The following LRRC4C variants were observed in gnomAD, a reference collection of about 807,000 sequenced individuals.
The protein encoded by LRRC4C is leucine-rich repeat-containing protein 4C.
LRRC4C carries 5 observed loss-of-function variants against 33.6 expected under a neutral mutation model. The observed-to-expected ratio is 0.15, with a 90% CI of 0.08 to 0.31. LRRC4C has a LOEUF of 0.31. Ranked by LOEUF, LRRC4C falls within the 10% of genes least tolerant of loss-of-function variation. The pLI, the probability that LRRC4C is intolerant of heterozygous loss-of-function variation, is 1.00. For synonymous variants in LRRC4C, 329 were observed against 302.0 expected, an observed-to-expected ratio of 1.09 and a Z score of -0.93; for missense variants, 560 against 796.7, an observed-to-expected ratio of 0.70 and a Z score of 3.58.
At chr11:40,520,148 G>A (rs1428166920) in intron 3 of LRRC4C, among the ~76,000 whole-genome samples, 1 of 152,162 alleles carries the variant, frequency 6.6e-6, no homozygotes, top group East Asian at 1.9e-4. Flanking sequence ...TTCTGCAACT[G>A]GAACAACAAA....
intron 2 of LRRC4C, among the ~76,000 whole-genome samples, chr11:40,852,190 C>G (rs1452093670): frequency 6.6e-6 from 1 of 151,190 alleles, no homozygotes; most frequent in Admixed American, 6.6e-5. Flanking sequence ...TGTCTCATTT[C>G]TAAATGGTAT....
At chr11:40,471,037 C>T (rs1309079141) in intron 3 of LRRC4C, among the ~76,000 whole-genome samples, 2 of 152,050 alleles carry the variant, frequency 1.3e-5, no homozygotes. Context: ...ACAGAGAACA[C>T]CACAAAGGTA....
At chr11:40,923,637 T>G (rs1957285372) in intron 2 of LRRC4C, among the ~76,000 whole-genome samples, 2 of 152,230 alleles carry the variant, frequency 1.3e-5, no homozygotes, top group South Asian at 4.1e-4. Context: ...TAATATTCAT[T>G]TGTTATTTTA....
chr11:40,900,006 A>C (rs1956136292), intron 2 of LRRC4C, among the ~76,000 whole-genome samples: 1 of 152,126 alleles, frequency 6.6e-6, no homozygotes, highest in Non-Finnish European at 1.5e-5. Context: ...TTAGTGTTTT[A>C]ATTTTAATGA....
chr11:40,497,997 A>T (rs1954557196), intron 3 of LRRC4C, among the ~76,000 whole-genome samples: 1 of 152,192 alleles, frequency 6.6e-6, no homozygotes, highest in Non-Finnish European at 1.5e-5. Flanking sequence ...TACTACTCTT[A>T]ACACTTATGT....
At chr11:40,651,190 T>A (rs1942774405) in intron 2 of LRRC4C, among the ~76,000 whole-genome samples, 2 of 152,206 alleles carry the variant, frequency 1.3e-5, no homozygotes, top group Non-Finnish European at 2.9e-5. Context: ...TTGTAAATTT[T>A]TTCTCAGACT....
chr11:41,096,987 G>C (rs1940847937), intron 1 of LRRC4C, among the ~76,000 whole-genome samples: 1 of 152,140 alleles, frequency 6.6e-6, no homozygotes, highest in African/African-American at 2.4e-5. Context: ...GTATGAAGAA[G>C]GGATGATAGG....
intron 3 of LRRC4C, among the ~76,000 whole-genome samples, chr11:40,634,800 G>T (rs1304017169): frequency 6.6e-6 from 1 of 152,118 alleles, no homozygotes; most frequent in East Asian, 1.9e-4. Flanking sequence ...GTGGCGGGGG[G>T]TGTTGTTTGA....
intron 1 of LRRC4C, among the ~76,000 whole-genome samples, chr11:41,117,307 T>C (rs896576311): frequency 2.0e-5 from 3 of 152,142 alleles, no homozygotes; most frequent in Non-Finnish European, 2.9e-5. Flanking sequence ...CCAAATCCAC[T>C]TTTAGAGTGG....
intron 4 of LRRC4C, among the ~76,000 whole-genome samples, chr11:40,292,023 CAG>C (rs1357927460): frequency 6.6e-6 from 1 of 151,282 alleles, no homozygotes; most frequent in Non-Finnish European, 1.5e-5. Flanking sequence ...TATCAGAGAG[CAG>C]AGACTGATGA....
intron 2 of LRRC4C, among the ~76,000 whole-genome samples, chr11:40,755,125 A>G (rs1332842835): frequency 6.6e-6 from 1 of 152,126 alleles, no homozygotes; most frequent in East Asian, 1.9e-4. Flanking sequence ...GTTCACAGTC[A>G]TTGCACATTT....
At chr11:40,139,654 AT>A (rs1372403559) in intron 6 of LRRC4C, among the ~76,000 whole-genome samples, 1 of 152,174 alleles carries the variant, frequency 6.6e-6, no homozygotes, top group Non-Finnish European at 1.5e-5. Context: ...GTCACAGCAT[AT>A]TTTCAATTAA....
chr11:40,515,207 T>A (rs1345258670), intron 3 of LRRC4C, among the ~76,000 whole-genome samples: 1 of 152,072 alleles, frequency 6.6e-6, no homozygotes, highest in Non-Finnish European at 1.5e-5. Flanking sequence ...AACCATGTAT[T>A]TTTTCACCTT....
chr11:40,315,223 A>C (rs1363181386), intron 4 of LRRC4C, among the ~76,000 whole-genome samples: 1 of 151,808 alleles, frequency 6.6e-6, no homozygotes, highest in Non-Finnish European at 1.5e-5. Context: ...AAAAATGAAA[A>C]AATTAAAAAA....
At chr11:41,336,534 A>T (rs1003220975) in intron 1 of LRRC4C, among the ~76,000 whole-genome samples, 3 of 152,298 alleles carry the variant, frequency 2.0e-5, no homozygotes, top group South Asian at 2.1e-4. Context: ...ATTTACAAGT[A>T]AGTGTGGATG....
chr11:40,840,212 ATCC>A (rs1952853488), intron 2 of LRRC4C, among the ~76,000 whole-genome samples: 2 of 152,172 alleles, frequency 1.3e-5, no homozygotes, highest in South Asian at 4.1e-4. Flanking sequence ...AAGACAGCAA[ATCC>A]TCCTATCAAA....
At chr11:40,777,586 A>G (rs1444073548) in intron 2 of LRRC4C, among the ~76,000 whole-genome samples, 1 of 148,852 alleles carries the variant, frequency 6.7e-6, no homozygotes, top group Non-Finnish European at 1.5e-5. Context: ...TTCTGTTTGC[A>G]TGGTAAATCT....
chr11:40,706,891 C>T (rs1278100345), intron 2 of LRRC4C, among the ~76,000 whole-genome samples: 1 of 152,082 alleles, frequency 6.6e-6, no homozygotes, highest in Non-Finnish European at 1.5e-5. Flanking sequence ...TTTCATTGAA[C>T]AGTGGTTTGT....
intron 3 of LRRC4C, among the ~76,000 whole-genome samples, chr11:40,405,429 A>G (rs2137583210): frequency 6.6e-6 from 1 of 152,020 alleles, no homozygotes; most frequent in Non-Finnish European, 1.5e-5. Flanking sequence ...TGAGGTAAGG[A>G]GTTCGAGACC....
Sources: allele counts gnomAD v4.1 joint callset (sites outside exome capture counted in the v4.1 genomes callset), GRCh38; gene constraint gnomAD v4.1.1; transcripts MANE v1.5; gene names NCBI Gene and HGNC (gene_info 2026-07-23, HGNC 2026-07-21).